FSTL5: variants seen among roughly 807,000 people sequenced by gnomAD.
The protein encoded by FSTL5 is follistatin like 5.
A neutral mutation model predicts 89.1 loss-of-function variants in FSTL5; 62 were observed. That is an observed-to-expected ratio of 0.70 (90% confidence interval 0.57 to 0.86). The LOEUF (loss-of-function observed/expected upper bound fraction) is 0.86, where lower values mean the gene tolerates loss of function less well. Ranked by LOEUF, FSTL5 falls within the 40% of genes least tolerant of loss-of-function variation. The pLI is 0.00. For synonymous variants in FSTL5, 383 were observed against 346.2 expected (o/e 1.11, Z -1.18); for missense variants, 1,057 against 1,001.6 (o/e 1.06, Z -0.75).
intron 2 of FSTL5, among the ~76,000 whole-genome samples, chr4:162,074,340 TA>T (rs1370179119): frequency 1.3e-5 from 2 of 151,770 alleles, no homozygotes; most frequent in Non-Finnish European, 2.9e-5. Flanking sequence ...GCCAGGTTTT[TA>T]TTTTTTTTAA....
chr4:161,705,952 G>GTA lies in FSTL5; in HGVS notation c.728-49460_728-49459dup, dbSNP rs1206067350. On this transcript the variant is annotated intron_variant, in intron 6 of 15. Coordinates refer to ENST00000306100, the MANE Select transcript of FSTL5 (RefSeq NM_020116.5). The stretch of plus-strand genomic sequence containing the variant: ...TATGCATGTGTGTGTGTAGATGTGT[G>GTA]TATATATATATATATATATATATAT... Among the ~76,000 whole-genome samples the GTA allele has an allele frequency of 2.6e-3, 81 of 30,624 alleles. 1 individual carries two copies. The highest frequency in any genetic ancestry group is 0.01 in the African/African-American group (70 of 6,800). The allele number at this position is 30,624 out of a possible 152,430, so 20.1% of individuals were successfully genotyped here.
chr4:161,440,103 A>G (rs1732707930), intron 15 of FSTL5, among the ~76,000 whole-genome samples: 1 of 152,166 alleles, frequency 6.6e-6, no homozygotes, highest in Non-Finnish European at 1.5e-5. Context: ...TCACCTCACA[A>G]TGAAATGCTA....
chr4:161,803,852 G>A (rs926954626), intron 4 of FSTL5, among the ~76,000 whole-genome samples: 3 of 151,984 alleles, frequency 2.0e-5, no homozygotes, highest in Non-Finnish European at 2.9e-5. Flanking sequence ...CACAAACAGG[G>A]CCACTGCTTT....
intron 15 of FSTL5, among the ~76,000 whole-genome samples, chr4:161,452,134 T>G (rs943387956): frequency 6.6e-6 from 1 of 152,178 alleles, no homozygotes; most frequent in African/African-American, 2.4e-5. Flanking sequence ...TTCATAACGA[T>G]TCAATCTCAG....
At chr4:161,643,788 A>T (rs996738370) in intron 7 of FSTL5, among the ~76,000 whole-genome samples, 1 of 152,242 alleles carries the variant, frequency 6.6e-6, no homozygotes, top group Non-Finnish European at 1.5e-5. Flanking sequence ...ATTGCCAATA[A>T]ACATCAGTTG....
At position 161,920,557 on chromosome 4, in the gene FSTL5, C is replaced by G; in HGVS notation, c.256G>C (p.Glu86Gln). The G allele has an allele frequency of 6.8e-6, 11 of 1,613,988 alleles. No homozygotes were observed. The highest frequency in any genetic ancestry group is 9.3e-6 in the Non-Finnish European group (11 of 1,179,966). Residue 86 changes from glutamate (E) to glutamine (Q), a missense_variant, in exon 4 of 16, where the codon GAA (glutamate) becomes CAA (glutamine). Coordinates refer to ENST00000306100, the MANE Select transcript of FSTL5 (RefSeq NM_020116.5). ...CVTSRETGQA[E>Q]CACMDLCKRH... ...TTGCAAAGGTCCATACAGGCACATT[C>G]TGCTTGCCCTGTCTCTCTGCTGGTA...
At chr4:161,599,795 A>G (rs1057313485) in intron 7 of FSTL5, among the ~76,000 whole-genome samples, 16 of 152,120 alleles carry the variant, frequency 1.1e-4, no homozygotes, top group Admixed American at 3.9e-4. Flanking sequence ...TTTGGAAATA[A>G]ATATCCATTT....
At position 161,588,869 on chromosome 4, in the gene FSTL5, T is replaced by C. The variant is rs558660699; in HGVS notation, c.895-1294A>G. On this transcript the variant is annotated intron_variant, in intron 7 of 15. Coordinates refer to ENST00000306100, the MANE Select transcript of FSTL5 (RefSeq NM_020116.5). ...GGTCTGAAGCTCCTCCAAGACCTTATCCTGAGAGAATTGTACCTGTTGGAT... is the reference window on the plus strand; with the variant it reads ...GGTCTGAAGCTCCTCCAAGACCTTACCCTGAGAGAATTGTACCTGTTGGAT... Among the ~76,000 whole-genome samples the C allele has an allele frequency of 1.1e-4, 17 of 152,266 alleles. No homozygotes were observed. In the South Asian group the frequency reaches 3.5e-3, roughly 32 times the overall value.
intron 8 of FSTL5, among the ~76,000 whole-genome samples, chr4:161,557,126 T>C (rs1732421941): frequency 2.6e-5 from 4 of 151,398 alleles, no homozygotes; most frequent in Admixed American, 2.6e-4. Context: ...AAAGCAATAG[T>C]ACCCTTGTTT....
intron 6 of FSTL5, among the ~76,000 whole-genome samples, chr4:161,753,768 C>T (rs113647139): frequency 0.08 from 12,204 of 152,054 alleles, 937 homozygotes; most frequent in African/African-American, 0.2. Context: ...TTCGGCCAGG[C>T]GCGGTGGCTC....
intron 3 of FSTL5, among the ~76,000 whole-genome samples, chr4:162,003,572 G>A (rs930914621): frequency 2.0e-5 from 3 of 152,198 alleles, no homozygotes; most frequent in Admixed American, 2.0e-4. Context: ...GAGGAAGGTA[G>A]AGAGGAAAGG....
At chr4:161,859,454 C>T (rs1011042281) in intron 4 of FSTL5, among the ~76,000 whole-genome samples, 12 of 152,110 alleles carry the variant, frequency 7.9e-5, no homozygotes, top group Admixed American at 6.5e-4. Context: ...CATTTGGTTA[C>T]TAAAAGCTCT....
intron 6 of FSTL5, among the ~76,000 whole-genome samples, chr4:161,705,604 C>T (rs572808490): frequency 6.6e-6 from 1 of 151,914 alleles, no homozygotes; most frequent in South Asian, 2.1e-4. Context: ...TCCGGGTCAA[C>T]TGCCTACTGC....
In FSTL5 at chr4:161,563,591, G is replaced by A. The variant is rs1319348259; in HGVS notation, c.1016-20898C>T. ...TATTTCTGCTTTTGTCAATCTTACTGCTTCCTCCATGGTACCTATTAATGT... is the reference window on the plus strand; with the variant it reads ...TATTTCTGCTTTTGTCAATCTTACTACTTCCTCCATGGTACCTATTAATGT... On this transcript the variant is annotated intron_variant, in intron 8 of 15. Transcript: ENST00000306100. Among the ~76,000 whole-genome samples, 9 of 151,798 alleles carry A rather than the reference G, an allele frequency of 5.9e-5. No individual in the cohort carries two copies. In the South Asian group the frequency reaches 1.2e-3, roughly 21 times the overall value.
intron 10 of FSTL5, among the ~76,000 whole-genome samples, chr4:161,526,315 T>C (rs1191944874): frequency 6.6e-6 from 1 of 152,178 alleles, no homozygotes; most frequent in African/African-American, 2.4e-5. Context: ...AAATATTTTA[T>C]TCATTAATAA....
At chr4:162,120,418 C>T (rs182466333) in intron 1 of FSTL5, among the ~76,000 whole-genome samples, 132 of 152,124 alleles carry the variant, frequency 8.7e-4, no homozygotes, top group Admixed American at 2.9e-3. Context: ...TCCTTTGGTA[C>T]ACAAAAACAC....
At chr4:161,405,669 T>C (rs1482654019) in intron 15 of FSTL5, among the ~76,000 whole-genome samples, 1 of 152,140 alleles carries the variant, frequency 6.6e-6, no homozygotes, top group African/African-American at 2.4e-5. Flanking sequence ...TTTACTAACG[T>C]ACATGAATCT....
chr4:162,070,274 T>C (rs1729559876), intron 2 of FSTL5, among the ~76,000 whole-genome samples: 1 of 151,910 alleles, frequency 6.6e-6, no homozygotes, highest in South Asian at 2.1e-4. Flanking sequence ...AATTTGTTAT[T>C]AGACAAACCC....
intron 4 of FSTL5, among the ~76,000 whole-genome samples, chr4:161,899,112 T>C (rs1733268728): frequency 2.0e-5 from 3 of 152,142 alleles, no homozygotes; most frequent in Admixed American, 6.5e-5. Flanking sequence ...GTGGGGTCAA[T>C]AGGCAAAGGA....
Sources: allele counts gnomAD v4.1 joint callset (sites outside exome capture counted in the v4.1 genomes callset), GRCh38; gene constraint gnomAD v4.1.1; transcripts MANE v1.5; gene names NCBI Gene and HGNC (gene_info 2026-07-23, HGNC 2026-07-21).